Variants in ZNF385B observed in about 807,000 individuals in gnomAD.
The protein encoded by ZNF385B is zinc finger protein 385B, also known as zinc finger protein 533.
ZNF385B carries 23 observed loss-of-function variants against 39.2 expected under a neutral mutation model. That is an observed-to-expected ratio of 0.59 (90% CI 0.42 to 0.83). The LOEUF (loss-of-function observed/expected upper bound fraction) is 0.83, where lower values mean the gene tolerates loss of function less well. ZNF385B is among the 40% of genes least tolerant of loss of function. The pLI is 0.00. For missense variants in ZNF385B, 552 were observed against 598.9 expected, an observed-to-expected ratio of 0.92 and a Z score of 0.82; for synonymous variants, 205 against 222.6, an observed-to-expected ratio of 0.92 and a Z score of 0.70.
At chr2:179,609,539 G>C (rs1235014227) in intron 3 of ZNF385B, among the ~76,000 whole-genome samples, 5 of 152,124 alleles carry the variant, frequency 3.3e-5, no homozygotes, top group African/African-American at 4.8e-5. Flanking sequence ...AATAAACATG[G>C]GAGCACAGGA....
At chr2:179,456,824 A>C (rs2050757001) in intron 6 of ZNF385B, among the ~76,000 whole-genome samples, 1 of 152,180 alleles carries the variant, frequency 6.6e-6, no homozygotes, top group African/African-American at 2.4e-5. Context: ...CTATTTTAAG[A>C]ATTTATAGTC....
intron 3 of ZNF385B, among the ~76,000 whole-genome samples, chr2:179,662,137 T>C (rs1264162593): frequency 6.6e-6 from 1 of 152,194 alleles, no homozygotes; most frequent in Admixed American, 6.5e-5. Flanking sequence ...TCTTGCAAAG[T>C]AGCAATCCAT....
At chr2:179,699,995 C>T (rs1243143961) in intron 3 of ZNF385B, among the ~76,000 whole-genome samples, 1 of 152,056 alleles carries the variant, frequency 6.6e-6, no homozygotes. Context: ...TCCCCATTCC[C>T]TGCTCTCTTC....
chr2:179,790,104 G>C (rs1023845521), intron 1 of ZNF385B, among the ~76,000 whole-genome samples: 4 of 152,130 alleles, frequency 2.6e-5, no homozygotes, highest in Non-Finnish European at 4.4e-5. Flanking sequence ...AGCTTAGTCT[G>C]GTTATAAGCA....
rs536086040 is a variant in ZNF385B at position 179,554,837 on chromosome 2, A to G, written c.299-9868T>C. Among the ~76,000 whole-genome samples, 188 of 149,334 alleles carry G rather than the reference A, an allele frequency of 1.3e-3. 10 individuals are homozygous for G. The highest frequency in any genetic ancestry group is 2.4e-3 in the Non-Finnish European group (164 of 67,568). ...TCCACAAGAATGGTTCAATTTGATG[A>G]AGAAAGATGAAGATAATATTAAGTG... On this transcript the variant is annotated intron_variant, in intron 3 of 9. Coordinates refer to ENST00000410066, the MANE Select transcript of ZNF385B (RefSeq NM_152520.6).
chr2:179,789,484 C>T (rs1705198792), intron 1 of ZNF385B, among the ~76,000 whole-genome samples: 1 of 152,138 alleles, frequency 6.6e-6, no homozygotes, highest in Non-Finnish European at 1.5e-5. Flanking sequence ...GGCAGTCAAC[C>T]ATCCAATCAC....
At chr2:179,537,370 C>A (rs564933201) in intron 4 of ZNF385B, among the ~76,000 whole-genome samples, 1 of 150,938 alleles carries the variant, frequency 6.6e-6, no homozygotes, top group African/African-American at 2.4e-5. Flanking sequence ...GGGTGAGGGA[C>A]ACAATAGTGC....
intron 8 of ZNF385B, 134 bp downstream of exon 8, chr2:179,445,416 T>C (rs1195787551): frequency 2.5e-5 from 19 of 755,030 alleles, no homozygotes. Context: ...CACCTATATG[T>C]TGCATATTGT....
chr2:179,493,715 G>GTATATGCATATATGTATA (rs1491147446), intron 5 of ZNF385B, among the ~76,000 whole-genome samples: 2 of 51,104 alleles, frequency 3.9e-5, no homozygotes, highest in African/African-American at 1.2e-4. Context: ...ATACACATAT[G>GTATATGCATATATGTATA]CATATACGTA....
At chr2:179,795,211 A>T (rs1705583320) in intron 1 of ZNF385B, among the ~76,000 whole-genome samples, 1 of 152,050 alleles carries the variant, frequency 6.6e-6, no homozygotes, top group Non-Finnish European at 1.5e-5. Flanking sequence ...AGGGATGTCA[A>T]ATATAGTAGG....
chr2:179,808,253 C>T (rs952925658), intron 1 of ZNF385B, among the ~76,000 whole-genome samples: 13 of 152,078 alleles, frequency 8.5e-5, no homozygotes, highest in Non-Finnish European at 1.6e-4. Context: ...AGGATGGTCT[C>T]GATCTCCTGA....
At chr2:179,604,330 T>C (rs1284177142) in intron 3 of ZNF385B, among the ~76,000 whole-genome samples, 1 of 151,956 alleles carries the variant, frequency 6.6e-6, no homozygotes, top group Non-Finnish European at 1.5e-5. Context: ...GACATAAAAA[T>C]TTTTAAGTGG....
At chr2:179,450,837 C>G (rs186953749) in intron 6 of ZNF385B, among the ~76,000 whole-genome samples, 1 of 152,156 alleles carries the variant, frequency 6.6e-6, no homozygotes, top group Admixed American at 6.5e-5. Context: ...ATAGCAAAGA[C>G]TTGGAACCAA....
At chr2:179,647,045 A>G (rs566149268) in intron 3 of ZNF385B, among the ~76,000 whole-genome samples, 7 of 152,322 alleles carry the variant, frequency 4.6e-5, no homozygotes, top group Non-Finnish European at 7.4e-5. Flanking sequence ...GGTCAGGCTG[A>G]CACAAACTCA....
At chr2:179,795,735 G>A (rs1196005331) in intron 1 of ZNF385B, among the ~76,000 whole-genome samples, 1 of 152,100 alleles carries the variant, frequency 6.6e-6, no homozygotes, top group Admixed American at 6.5e-5. Context: ...TGAGTTGGCT[G>A]ACTTTAATAA....
chr2:179,533,493 A>AC (rs2059381442), intron 4 of ZNF385B, among the ~76,000 whole-genome samples: 1 of 152,198 alleles, frequency 6.6e-6, no homozygotes, highest in Admixed American at 6.5e-5. Context: ...AGAATCTAAG[A>AC]CTACTAATCT....
Position 179,652,800 on chromosome 2 carries a change from AC to A in ZNF385B, c.299-107832del, listed in dbSNP as rs559874095. On this transcript the variant is annotated intron_variant, in intron 3 of 9. Transcript: ENST00000410066. ...ATAGAGTACTATAAATAAATACCTT[AC>A]CTATTGATTTGGTCATCTCAATTGT... 5.1e-3 allele frequency among the ~76,000 whole-genome samples: 771 copies of A among 151,102 alleles called. 6 individuals carry two copies. Among genetic ancestry groups the A allele is most frequent in the African/African-American group, 0.018 (723 of 41,130 alleles).
chr2:179,524,456 G>A (rs1426949134), intron 4 of ZNF385B, among the ~76,000 whole-genome samples: 1 of 149,250 alleles, frequency 6.7e-6, no homozygotes, highest in African/African-American at 2.5e-5. Context: ...GGAGGCTGAG[G>A]CAGGAGAATG....
At chr2:179,655,945 C>T (rs1359779587) in intron 3 of ZNF385B, among the ~76,000 whole-genome samples, 2 of 152,108 alleles carry the variant, frequency 1.3e-5, no homozygotes, top group South Asian at 2.1e-4. Flanking sequence ...ATAGCCCAGA[C>T]AATTATTCAA....
Sources: gnomAD v4.1 joint callset for allele counts (sites outside exome capture counted in the v4.1 genomes callset) on GRCh38, gnomAD v4.1.1 for gene constraint, MANE v1.5 for transcripts, NCBI Gene and HGNC (gene_info 2026-07-23, HGNC 2026-07-21) for gene names.